The following PWWP3A variants were observed in gnomAD, a reference collection of about 807,000 sequenced individuals.
PWWP3A encodes PWWP domain containing 3A, DNA repair factor, also known as PWWP domain-containing DNA repair factor 3A.
Under a neutral mutation model 79.0 loss-of-function variants are expected in PWWP3A, and 53 were observed. The ratio of observed to expected loss-of-function variants is 0.67; its 90% CI spans 0.54 to 0.84. The LOEUF is 0.84. Ranked by LOEUF, PWWP3A falls within the 40% of genes least tolerant of loss-of-function variation. The pLI, the probability that PWWP3A is intolerant of heterozygous loss-of-function variation, is 0.00. For missense variants in PWWP3A, 973 were observed against 948.0 expected, an observed-to-expected ratio of 1.03 and a Z score of -0.35; for synonymous variants, 443 against 394.4, an observed-to-expected ratio of 1.12 and a Z score of -1.46.
chr19:1,374,120 G>T (rs1277439333), intron 13 of PWWP3A: 1 of 152,170 alleles, frequency 6.6e-6, no homozygotes, highest in African/African-American at 2.4e-5. Flanking sequence ...CTGCTGGTTT[G>T]TCCTCTCCCT....
Position 1,373,144 on chromosome 19 carries a change from C to T in PWWP3A, c.2059C>T (p.Pro687Ser). ...GGCTGAGGAGAAGTACATCAAGGGG[C>T]CTTCGCTGAGCTACCGGTAGGCCGC... ...KTAEEKYIKG[P>S]SLSYREKEIF... is the part of the protein sequence containing the mutation. Residue 687 changes from proline (P) to serine (S), a missense_variant, in exon 13 of 14, where the codon CCT becomes TCT. Pro to Ser is a moderately conservative substitution (Grantham distance 74). Transcript: ENST00000591337. 3 of 1,614,164 alleles carry T rather than the reference C, an allele frequency of 1.9e-6. No individual in the cohort carries two copies. Among genetic ancestry groups the T allele is most frequent in the Non-Finnish European group, 2.5e-6 (3 of 1,180,006 alleles).
In PWWP3A at chr19:1,376,568, C is replaced by G. The variant is rs149769533; in HGVS notation, c.2125C>G (p.Arg709Gly). 7.9e-5 allele frequency: 128 copies of G among 1,613,496 alleles called. No individual in the cohort carries two copies. The highest frequency in any genetic ancestry group is 4.6e-5 in the Non-Finnish European group (54 of 1,179,874). ...NQLLEERNRR[R>G]R The stretch of plus-strand genomic sequence containing the variant: ...GCTCCTTGAAGAGCGGAACCGGCGC[C>G]GTCGGTGAGGGAGCAGCCGGCTGTG... Residue 709 changes from arginine to glycine, a missense_variant, in exon 14 of 14, where the codon CGT becomes GGT. Coordinates refer to ENST00000591337, the MANE Select transcript of PWWP3A (RefSeq NM_001369789.1).
intron 3 of PWWP3A, 50 bp from the exon 4 acceptor site, chr19:1,358,342 ATG>A: frequency 1.4e-6 from 2 of 1,473,470 alleles, no homozygotes; most frequent in Non-Finnish European, 1.9e-6. Context: ...ATGTTTGAAA[ATG>A]TCTTGGCGGC....
At chr19:1,358,599 C>T (rs1324280997) in intron 4 of PWWP3A, 135 bp downstream of exon 4, 2 of 1,580,648 alleles carry the variant, frequency 1.3e-6, no homozygotes, top group Non-Finnish European at 8.6e-7. Flanking sequence ...GAACGCGAAT[C>T]CCCTGAGCTG....
At position 1,376,847 on chromosome 19, in the gene PWWP3A, G is replaced by A. The variant is rs1438913126; in HGVS notation, c.*271G>A. The A allele has an allele frequency of 2.7e-6, 1 of 376,634 alleles. No individual in the cohort carries two copies. The highest frequency in any genetic ancestry group is 4.8e-6 in the Non-Finnish European group (1 of 207,212). 23.3% of individuals were successfully genotyped at this position (376,634 alleles called of 1,614,324 possible). A position where few individuals can be genotyped will look rare whatever the true frequency, so the allele number is the denominator to read the frequency against. On this transcript the variant is annotated 3_prime_UTR_variant, in exon 14 of 14. Coordinates refer to ENST00000591337, the MANE Select transcript of PWWP3A (RefSeq NM_001369789.1). ...GGGAAAGGCTTTTGAAAGGACGGAA[G>A]CGTATTCACTGTGCGCCAGTACTCC... is the stretch of plus-strand genomic sequence containing the variant.
intron 7 of PWWP3A, 22 bp from the exon 8 acceptor site, chr19:1,366,283 A>G: frequency 6.2e-7 from 1 of 1,611,546 alleles, no homozygotes; most frequent in Non-Finnish European, 8.5e-7. Flanking sequence ...TTGACGTTTT[A>G]TTTTCTTGGA....
chr19:1,364,017 C>T, intron 6 of PWWP3A: 4 of 373,698 alleles, frequency 1.1e-5, no homozygotes, highest in Non-Finnish European at 1.1e-5. Context: ...TAAATAGTTT[C>T]TAGTTATGAT....
rs576551190 is a variant in PWWP3A, at chr19:1,366,323, A to G, written c.1303A>G (p.Arg435Gly). ...WPAVVKSVRQRDKKASVLYIE... is the reference protein window; with the variant it reads ...WPAVVKSVRQGDKKASVLYIE... ...TGAACAGGTCAAAAGCGTCAGGCAG[A>G]GAGATAAGAAAGCAAGTGTGCTATA... The change falls in exon 8 of 14, where the codon AGA becomes GGA. Residue 435 changes from arginine to glycine, a missense_variant. Arg to Gly is a moderately radical substitution (Grantham distance 125). Coordinates refer to ENST00000591337, the MANE Select transcript of PWWP3A (RefSeq NM_001369789.1). 1 of 1,614,234 alleles carries G rather than the reference A, an allele frequency of 6.2e-7. No individual in the cohort carries two copies. The highest frequency in any genetic ancestry group is 8.5e-7 in the Non-Finnish European group (1 of 1,180,024).
At chr19:1,375,717 AAAGT>A (rs1230568715) in intron 13 of PWWP3A, among the ~76,000 whole-genome samples, 2 of 142,214 alleles carry the variant, frequency 1.4e-5, no homozygotes, top group Non-Finnish European at 3.0e-5. Context: ...TAATATATAT[AAAGT>A]ATGTATACTT....
At chr19:1,358,851 T>C (rs2081946376) in intron 4 of PWWP3A, 1 of 460,490 alleles carries the variant, frequency 2.2e-6, no homozygotes, top group African/African-American at 2.0e-5. Context: ...GCCAGTCTGG[T>C]CTCAGCCCAA....
intron 3 of PWWP3A, chr19:1,357,887 C>T (rs1039373220): frequency 6.2e-6 from 1 of 160,358 alleles, no homozygotes; most frequent in Non-Finnish European, 1.4e-5. Context: ...GTGGAGCTCC[C>T]CCTGCCCCAC....
chr19:1,363,781 C>T (rs2082070566), intron 6 of PWWP3A, among the ~76,000 whole-genome samples: 1 of 152,214 alleles, frequency 6.6e-6, no homozygotes, highest in Non-Finnish European at 1.5e-5. Context: ...ACAGCAGACA[C>T]TCACCCCAGT....
chr19:1,359,393 T>G (rs1345176927), intron 4 of PWWP3A: 2 of 150,686 alleles, frequency 1.3e-5, no homozygotes, highest in African/African-American at 2.5e-5. Context: ...TTGGATGGCG[T>G]CGTCCTTGTT....
In PWWP3A at chr19:1,368,585, T is replaced by G. The variant is rs1456559435; in HGVS notation, c.1423-680T>G. Among the ~76,000 whole-genome samples, 2 of 152,170 alleles carry G rather than the reference T, an allele frequency of 1.3e-5. No homozygotes were observed. The highest frequency in any genetic ancestry group is 4.8e-5 in the African/African-American group (2 of 41,438). On this transcript the variant is annotated intron_variant, in intron 9 of 13. Transcript: ENST00000591337. The surrounding 1 kb of genome is among the most constrained non-coding windows in gnomAD (Gnocchi z 4.7). ...CCTAGTGGCCCTCGGCTCCAGAGTCTTCCCTGGGTCATTGTGTGATGGTCG... is the reference window on the plus strand; with the variant it reads ...CCTAGTGGCCCTCGGCTCCAGAGTCGTCCCTGGGTCATTGTGTGATGGTCG...
At chr19:1,363,821 T>C (rs1371859386) in intron 6 of PWWP3A, among the ~76,000 whole-genome samples, 1 of 152,194 alleles carries the variant, frequency 6.6e-6, no homozygotes, top group Admixed American at 6.5e-5. Flanking sequence ...GTCACGTTGG[T>C]TACTTCATAG....
intron 6 of PWWP3A, among the ~76,000 whole-genome samples, chr19:1,363,148 C>T (rs754762648): frequency 1.3e-5 from 2 of 152,268 alleles, no homozygotes; most frequent in Admixed American, 6.5e-5. Flanking sequence ...GAAGCTGGTG[C>T]GTGTGCAGCC....
At chr19:1,364,700 C>T in intron 7 of PWWP3A, 121 bp downstream of exon 7, 1 of 904,594 alleles carries the variant, frequency 1.1e-6, no homozygotes, top group South Asian at 1.9e-5. Context: ...TTTTGTTTTT[C>T]CTGGGAAAAG....
intron 13 of PWWP3A, chr19:1,373,787 G>C (rs1259277126): frequency 6.5e-6 from 1 of 152,910 alleles, no homozygotes; most frequent in Non-Finnish European, 1.5e-5. Flanking sequence ...AGTCACAGGA[G>C]ACTCCTGGTG....
At chr19:1,375,462 A>G (rs1216527103) in intron 13 of PWWP3A, among the ~76,000 whole-genome samples, 6 of 134,226 alleles carry the variant, frequency 4.5e-5, no homozygotes, top group African/African-American at 1.4e-4. Flanking sequence ...TATAATGTAT[A>G]TTATATAAAA....
Sources: gnomAD v4.1 joint callset for allele counts (sites outside exome capture counted in the v4.1 genomes callset) on GRCh38, gnomAD v4.1.1 for gene constraint, Gnocchi (gnomAD v3.1) non-coding constraint, MANE v1.5 for transcripts, NCBI Gene and HGNC (gene_info 2026-07-23, HGNC 2026-07-21) for gene names.